PRKCQ: variants seen among roughly 807,000 people sequenced by gnomAD.
The protein encoded by PRKCQ is protein kinase C theta, also known as protein kinase C theta type.
PRKCQ carries 41 observed loss-of-function variants against 91.2 expected under a neutral mutation model. The ratio of observed to expected loss-of-function variants is 0.45; its 90% CI spans 0.35 to 0.58. PRKCQ has a LOEUF of 0.58. Among genes scored for constraint, PRKCQ ranks in the 20% least tolerant of loss-of-function variants. The pLI, the probability that PRKCQ is intolerant of heterozygous loss-of-function variation, is 0.00. For synonymous variants in PRKCQ, 307 were observed against 316.9 expected (o/e 0.97, Z 0.33); for missense variants, 673 against 896.5 (o/e 0.75, Z 3.18).
chr10:6,456,435 G>T (rs1466084583), intron 15 of PRKCQ, among the ~76,000 whole-genome samples: 2 of 152,120 alleles, frequency 1.3e-5, no homozygotes, highest in South Asian at 2.1e-4. Flanking sequence ...TTTTAAGGCT[G>T]GGGGAAAGGA....
At chr10:6,475,023 C>T (rs1208393674) in intron 12 of PRKCQ, among the ~76,000 whole-genome samples, 3 of 152,070 alleles carry the variant, frequency 2.0e-5, no homozygotes, top group African/African-American at 4.8e-5. Flanking sequence ...CCCTTCTTTC[C>T]TCTTGCCAAG....
chr10:6,494,838 A>G (rs182751102), intron 7 of PRKCQ, among the ~76,000 whole-genome samples: 78 of 152,296 alleles, frequency 5.1e-4, no homozygotes, highest in African/African-American at 1.9e-3. Context: ...GTCCCAGAGG[A>G]ATTCCAAGCT....
chr10:6,579,768 A>G (rs1588445767), intron 1 of PRKCQ, among the ~76,000 whole-genome samples: 2 of 145,834 alleles, frequency 1.4e-5, no homozygotes, highest in East Asian at 4.1e-4. Flanking sequence ...GCTCCAATAC[A>G]TTCCCAGAAA....
chr10:6,517,787 A>G (rs1838833807), intron 1 of PRKCQ, among the ~76,000 whole-genome samples: 1 of 150,454 alleles, frequency 6.6e-6, no homozygotes, highest in Non-Finnish European at 1.5e-5. Flanking sequence ...GGTTAGTGTA[A>G]CAGAAGTAAG....
At chr10:6,415,167 T>TG in the PRKCQ span, among the ~76,000 whole-genome samples, 1 of 151,644 alleles carries the variant, frequency 6.6e-6, no homozygotes, top group Non-Finnish European at 1.5e-5. Context: ...TTTGCCATGT[T>TG]GGCCAGGTTG....
chr10:6,489,533 G>A, intron 8 of PRKCQ: 1 of 495,990 alleles, frequency 2.0e-6, no homozygotes. Context: ...GGCCTGCAAG[G>A]AGGCAGGATG....
chr10:6,428,892 G>C (rs1833263419), intron 17 of PRKCQ, among the ~76,000 whole-genome samples: 1 of 152,156 alleles, frequency 6.6e-6, no homozygotes, highest in African/African-American at 2.4e-5. Flanking sequence ...GGCTTTTTTA[G>C]ACAGCACAGA....
chr10:6,466,482 T>C (rs1344289027), intron 12 of PRKCQ, among the ~76,000 whole-genome samples: 7 of 152,250 alleles, frequency 4.6e-5, no homozygotes, highest in Admixed American at 1.3e-4. Context: ...ATTTATAGTA[T>C]GTTGGATGCC....
chr10:6,561,566 A>G (rs1323172437), intron 1 of PRKCQ, among the ~76,000 whole-genome samples: 1 of 152,244 alleles, frequency 6.6e-6, no homozygotes, highest in East Asian at 1.9e-4. Context: ...ACACTGACTC[A>G]AAAGTCAATT....
chr10:6,395,318 T>C, the PRKCQ span, among the ~76,000 whole-genome samples: 4 of 147,264 alleles, frequency 2.7e-5, no homozygotes, highest in South Asian at 6.4e-4. Context: ...CTCACCTCGG[T>C]CTCCCAAAGG....
chr10:6,536,805 AGAACCCT>A (rs1839601126), intron 1 of PRKCQ, among the ~76,000 whole-genome samples: 1 of 152,240 alleles, frequency 6.6e-6, no homozygotes, highest in South Asian at 2.1e-4. Context: ...TTTCTGGGTA[AGAACCCT>A]GGGAGAGAAA....
At chr10:6,505,231 T>C (rs983066743) in intron 4 of PRKCQ, among the ~76,000 whole-genome samples, 2 of 152,180 alleles carry the variant, frequency 1.3e-5, no homozygotes, top group African/African-American at 2.4e-5. Context: ...CTTATGTCAT[T>C]ATTGTTTACG....
the PRKCQ span, among the ~76,000 whole-genome samples, chr10:6,396,589 CTT>C: frequency 1.8e-4 from 27 of 152,338 alleles, no homozygotes; most frequent in African/African-American, 5.5e-4. Context: ...TTGAGGCTGA[CTT>C]ATATTATACC....
At chr10:6,477,632 C>A (rs1434299411) in intron 12 of PRKCQ, among the ~76,000 whole-genome samples, 2 of 152,208 alleles carry the variant, frequency 1.3e-5, no homozygotes, top group Non-Finnish European at 2.9e-5. Flanking sequence ...CTTTGGGAGG[C>A]TGAGGGGGGT....
At chr10:6,452,138 T>C (rs1273384414) in intron 15 of PRKCQ, among the ~76,000 whole-genome samples, 2 of 152,132 alleles carry the variant, frequency 1.3e-5, no homozygotes, top group Admixed American at 1.3e-4. Flanking sequence ...AGTCAAATTG[T>C]CCTGTTTGCA....
chr10:6,506,429 T>C (rs1278146612), intron 4 of PRKCQ, among the ~76,000 whole-genome samples: 2 of 152,236 alleles, frequency 1.3e-5, no homozygotes, highest in Admixed American at 6.5e-5. Flanking sequence ...ATATTTCAGC[T>C]ATTCACTGGT....
chr10:6,467,127 A>G (rs181546050), intron 12 of PRKCQ, among the ~76,000 whole-genome samples: 4 of 152,298 alleles, frequency 2.6e-5, no homozygotes, highest in Admixed American at 6.5e-5. Flanking sequence ...AAAAGCCAGG[A>G]AAGACAAAAC....
chr10:6,565,155 T>C (rs1840794872), intron 1 of PRKCQ, among the ~76,000 whole-genome samples: 1 of 152,246 alleles, frequency 6.6e-6, no homozygotes, highest in South Asian at 2.1e-4. Context: ...TTCTTTATAA[T>C]GCGCCTTCTT....
At chr10:6,412,217 G>A in the PRKCQ span, among the ~76,000 whole-genome samples, 1 of 152,166 alleles carries the variant, frequency 6.6e-6, no homozygotes, top group South Asian at 2.1e-4. Flanking sequence ...GGGAAAAGAG[G>A]AGTGACTTTT....
Sources: allele counts gnomAD v4.1 joint callset (sites outside exome capture counted in the v4.1 genomes callset), GRCh38; gene constraint gnomAD v4.1.1; transcripts MANE v1.5; gene names NCBI Gene and HGNC (gene_info 2026-07-23, HGNC 2026-07-21).